The following SUPT3H variants were observed in gnomAD, a reference collection of about 807,000 sequenced individuals.
SUPT3H encodes SPT3 homolog, SAGA and STAGA complex component.
SUPT3H carries 44 observed loss-of-function variants against 44.3 expected under a neutral mutation model. The observed-to-expected ratio is 0.99, with a 90% confidence interval of 0.78 to 1.28. The LOEUF (loss-of-function observed/expected upper bound fraction) is 1.28, where lower values mean the gene tolerates loss of function less well. Ranked by LOEUF, SUPT3H falls within the 50% of genes most tolerant of loss-of-function variation. SUPT3H has a pLI of 0.00. For synonymous variants in SUPT3H, 124 were observed against 125.6 expected, an observed-to-expected ratio of 0.99 and a Z score of 0.09; for missense variants, 380 against 387.1, an observed-to-expected ratio of 0.98 and a Z score of 0.15.
chr6:45,106,059 G>T (rs1332559688), intron 2 of SUPT3H, 53 bp from the exon 3 acceptor site: 2 of 1,386,666 alleles, frequency 1.4e-6, no homozygotes, highest in Non-Finnish European at 2.0e-6. Context: ...ACTAAGAAAG[G>T]CAAAAAGTGA....
chr6:45,171,995 C>T lies in SUPT3H; in HGVS notation c.102-65989G>A, dbSNP rs77821361. 5.9e-4 allele frequency among the ~76,000 whole-genome samples: 89 copies of T among 151,304 alleles called. No individual in the cohort carries two copies. The East Asian group carries it at 0.011, about 19-fold the overall frequency. ...CCTCCCAAAGTGCTGGGATTACATGCGTGAGCCACCACACCTGGCCTCCAC... is the reference window on the plus strand; with the variant it reads ...CCTCCCAAAGTGCTGGGATTACATGTGTGAGCCACCACACCTGGCCTCCAC... On this transcript the variant is annotated intron_variant, in intron 2 of 10. Coordinates refer to ENST00000371459, the MANE Select transcript of SUPT3H (RefSeq NM_003599.4).
intron 2 of SUPT3H, among the ~76,000 whole-genome samples, chr6:45,139,032 T>C (rs1283352519): frequency 6.6e-6 from 1 of 152,190 alleles, no homozygotes; most frequent in Non-Finnish European, 1.5e-5. Flanking sequence ...AAAAAATTCC[T>C]AGCTACCTCA....
chr6:44,880,116 T>G (rs938752367), intron 10 of SUPT3H, among the ~76,000 whole-genome samples: 2 of 151,814 alleles, frequency 1.3e-5, no homozygotes, highest in Non-Finnish European at 2.9e-5. Flanking sequence ...AGGTGGGTAA[T>G]AACAAACTTC....
chr6:45,132,247 G>A (rs1488936980), intron 2 of SUPT3H, among the ~76,000 whole-genome samples: 1 of 152,166 alleles, frequency 6.6e-6, no homozygotes, highest in East Asian at 1.9e-4. Context: ...TCTGGAAGCT[G>A]TCCAAACTGA....
intron 3 of SUPT3H, among the ~76,000 whole-genome samples, chr6:45,070,753 A>AAG (rs1554230812): frequency 2.6e-5 from 4 of 151,366 alleles, no homozygotes; most frequent in Admixed American, 2.6e-4. Flanking sequence ...AAAAAAAAAA[A>AAG]AAAAAAGAAA....
intron 9 of SUPT3H, among the ~76,000 whole-genome samples, chr6:44,940,086 T>G (rs1582634194): frequency 6.6e-6 from 1 of 152,112 alleles, no homozygotes; most frequent in East Asian, 1.9e-4. Flanking sequence ...TTCTGATAAT[T>G]CTGGGTTTGG....
chr6:45,099,985 G>A (rs571003266), intron 3 of SUPT3H, among the ~76,000 whole-genome samples: 8 of 152,148 alleles, frequency 5.3e-5, no homozygotes, highest in South Asian at 4.2e-4. Flanking sequence ...GAATATTCCC[G>A]AGAATGGTGA....
chr6:45,216,631 T>G (rs1235097242), intron 2 of SUPT3H, among the ~76,000 whole-genome samples: 3 of 152,136 alleles, frequency 2.0e-5, no homozygotes, highest in Non-Finnish European at 4.4e-5. Flanking sequence ...AAATGGAAAT[T>G]CAAAATGAGC....
intron 2 of SUPT3H, among the ~76,000 whole-genome samples, chr6:45,249,545 C>G (rs1771991481): frequency 6.6e-6 from 1 of 151,986 alleles, no homozygotes; most frequent in South Asian, 2.1e-4. Flanking sequence ...AACCTAAGCC[C>G]AGGGGGATTA....
At chr6:45,141,335 T>A (rs1805144386) in intron 2 of SUPT3H, among the ~76,000 whole-genome samples, 3 of 32,680 alleles carry the variant, frequency 9.2e-5, no homozygotes, top group South Asian at 1.5e-3. Flanking sequence ...CAAGACTCCA[T>A]CTCAAAAAAA....
intron 7 of SUPT3H, among the ~76,000 whole-genome samples, chr6:44,957,361 C>T (rs185295085): frequency 4.6e-5 from 7 of 152,232 alleles, no homozygotes; most frequent in Admixed American, 1.3e-4. Context: ...ATCTCCCCAA[C>T]GTAACAAATC....
At position 45,107,297 on chromosome 6, in the gene SUPT3H, T is replaced by C. The variant is rs544143887; in HGVS notation, c.102-1291A>G. ...ATTTATTCTGAAGGCATCTACCTAA[T>C]CACAGTAACCTACAGTCTATACCGA... On this transcript the variant is annotated intron_variant, in intron 2 of 10. Transcript: ENST00000371459. Among the ~76,000 whole-genome samples, 3 of 152,272 alleles carry C rather than the reference T, an allele frequency of 2.0e-5. No individual in the cohort carries two copies. In the East Asian group the frequency reaches 5.8e-4, roughly 29 times the overall value.
intron 10 of SUPT3H, among the ~76,000 whole-genome samples, chr6:44,927,399 A>T (rs1769672073): frequency 6.6e-6 from 1 of 152,198 alleles, no homozygotes; most frequent in Non-Finnish European, 1.5e-5. Context: ...AGTAAACTGA[A>T]GAAACTTTAA....
chr6:45,158,098 T>C (rs932772736), intron 2 of SUPT3H, among the ~76,000 whole-genome samples: 3 of 145,954 alleles, frequency 2.1e-5, no homozygotes, highest in Non-Finnish European at 4.5e-5. Context: ...ATTTATATAC[T>C]AATATATATT....
At chr6:45,354,970 A>T (rs1792851765) in intron 2 of SUPT3H, among the ~76,000 whole-genome samples, 1 of 152,102 alleles carries the variant, frequency 6.6e-6, no homozygotes, top group African/African-American at 2.4e-5. Context: ...CAAAGCCTTA[A>T]TAGCACTTTG....
chr6:45,158,669 C>T (rs1808422354), intron 2 of SUPT3H, among the ~76,000 whole-genome samples: 1 of 152,056 alleles, frequency 6.6e-6, no homozygotes, highest in Non-Finnish European at 1.5e-5. Flanking sequence ...TTATCGCTAG[C>T]TGTCAGAGTA....
chr6:45,332,128 T>C (rs1787637128), intron 2 of SUPT3H, among the ~76,000 whole-genome samples: 1 of 151,970 alleles, frequency 6.6e-6, no homozygotes. Context: ...TCAAAATTCA[T>C]GTGCTTTCAA....
intron 1 of SUPT3H, among the ~76,000 whole-genome samples, chr6:45,368,429 T>G (rs982245421): frequency 6.6e-6 from 1 of 152,142 alleles, no homozygotes; most frequent in African/African-American, 2.4e-5. Flanking sequence ...TCAGAAAATA[T>G]TGCTATCAAA....
intron 11 of SUPT3H, among the ~76,000 whole-genome samples, chr6:44,821,023 T>A (rs181870013): frequency 3.7e-4 from 57 of 152,244 alleles, no homozygotes; most frequent in East Asian, 1.7e-3. Context: ...GCTACTTTTT[T>A]AATTTTTTGT....
Sources: allele counts gnomAD v4.1 joint callset (sites outside exome capture counted in the v4.1 genomes callset), GRCh38; gene constraint gnomAD v4.1.1; transcripts MANE v1.5; gene names NCBI Gene and HGNC (gene_info 2026-07-23, HGNC 2026-07-21).